KCNK2: variants seen among roughly 807,000 people sequenced by gnomAD.
KCNK2 encodes potassium channel subfamily K member 2.
In KCNK2, 21 loss-of-function variants were observed where a neutral mutation model predicts 40.5. The ratio of observed to expected loss-of-function variants is 0.52; its 90% CI spans 0.37 to 0.75. The LOEUF is 0.75. KCNK2 is among the 30% of genes least tolerant of loss of function. KCNK2 has a pLI of 0.00. For synonymous variants in KCNK2, 191 were observed against 202.2 expected (o/e 0.94, Z 0.47); for missense variants, 399 against 531.6 (o/e 0.75, Z 2.45).
chr1:215,071,110 T>C (rs1023132065), intron 1 of KCNK2, among the ~76,000 whole-genome samples: 6 of 152,360 alleles, frequency 3.9e-5, no homozygotes, highest in Admixed American at 1.3e-4. Context: ...AGCAGAATTC[T>C]GAACTAGTGG....
At chr1:215,080,931 T>C (rs911925577), upstream of KCNK2, among the ~76,000 whole-genome samples, 9 of 152,198 alleles carry the variant, frequency 5.9e-5, no homozygotes, top group Non-Finnish European at 1.2e-4. Flanking sequence ...CAGTAAGACT[T>C]CAAAACGAGA....
intron 2 of KCNK2, among the ~76,000 whole-genome samples, chr1:215,118,514 G>A (rs369014116): frequency 6.6e-6 from 1 of 152,134 alleles, no homozygotes; most frequent in Non-Finnish European, 1.5e-5. Context: ...GTTATCTAAA[G>A]ACTAGTTTCT....
At chr1:215,018,397 T>C (rs1353995585) in intron 1 of KCNK2, among the ~76,000 whole-genome samples, 1 of 152,210 alleles carries the variant, frequency 6.6e-6, no homozygotes, top group Admixed American at 6.5e-5. Context: ...GGTCTTGTGA[T>C]TGGTTCCTGC....
At chr1:215,230,059 A>G (rs1374704362) in intron 6 of KCNK2, among the ~76,000 whole-genome samples, 1 of 135,132 alleles carries the variant, frequency 7.4e-6, no homozygotes, top group Non-Finnish European at 1.5e-5. Context: ...ACACACAGAT[A>G]TATATATAGA....
chr1:215,190,182 T>A (rs1396049616), intron 5 of KCNK2, among the ~76,000 whole-genome samples: 1 of 151,998 alleles, frequency 6.6e-6, no homozygotes, highest in Non-Finnish European at 1.5e-5. Flanking sequence ...TAAGAGGGGA[T>A]GTTGTATGCC....
intron 3 of KCNK2, among the ~76,000 whole-genome samples, chr1:215,167,831 G>C (rs1663517134): frequency 6.6e-6 from 1 of 151,138 alleles, no homozygotes; most frequent in African/African-American, 2.4e-5. Flanking sequence ...TAAGTTTAAT[G>C]TGCCAAAAGC....
At chr1:215,071,337 G>A (rs557853435) in intron 1 of KCNK2, among the ~76,000 whole-genome samples, 1 of 152,180 alleles carries the variant, frequency 6.6e-6, no homozygotes. Context: ...AGGGATGATA[G>A]ATGAGAGTGT....
At chr1:215,212,941 C>T (rs906400144) in intron 6 of KCNK2, among the ~76,000 whole-genome samples, 5 of 152,160 alleles carry the variant, frequency 3.3e-5, no homozygotes, top group African/African-American at 9.7e-5. Context: ...CTATTTCTGG[C>T]ACTTGAATGC....
rs1659713027 is a variant in KCNK2 at position 215,092,037 on chromosome 1, G to T, written c.357+5359G>T. 2.0e-5 allele frequency among the ~76,000 whole-genome samples: 3 copies of T among 152,242 alleles called. No individual in the cohort carries two copies. In the South Asian group the frequency reaches 6.2e-4, roughly 32 times the overall value. ...CCAGCTCCGGCTTACATTTCAAGAG[G>T]ATTTCCCTGGCTGTGGTGTTGAAAA... On this transcript the variant is annotated intron_variant, in intron 2 of 6. Transcript: ENST00000444842.
rs570724430 is a variant in KCNK2, at chr1:215,191,674, A to C, written c.824-3279A>C. Among the ~76,000 whole-genome samples, 6 of 152,270 alleles carry C rather than the reference A, an allele frequency of 3.9e-5. No individual in the cohort carries two copies. In the East Asian group the frequency reaches 1.2e-3, roughly 29 times the overall value. ...TTGGAAAAGTTTATAAGATTCCCAA[A>C]ACCTTTATACCTCCACACTTTTTTG... On this transcript the variant is annotated intron_variant, in intron 5 of 6. Coordinates refer to ENST00000444842, the MANE Select transcript of KCNK2 (RefSeq NM_001017425.3).
intron 6 of KCNK2, 85 bp from the exon 7 acceptor site, chr1:215,234,743 A>G: frequency 7.5e-7 from 1 of 1,325,356 alleles, no homozygotes; most frequent in Non-Finnish European, 1.0e-6. Flanking sequence ...TTAAAATCCC[A>G]AAATAAAATG....
At chr1:215,208,172 C>A (rs1172418748) in intron 6 of KCNK2, among the ~76,000 whole-genome samples, 14 of 152,164 alleles carry the variant, frequency 9.2e-5, no homozygotes, top group Admixed American at 9.2e-4. Context: ...GAATACTACA[C>A]AGCCATAAAA....
chr1:215,050,860 A>C (rs955183217), intron 1 of KCNK2, among the ~76,000 whole-genome samples: 2 of 152,186 alleles, frequency 1.3e-5, no homozygotes, highest in African/African-American at 4.8e-5. Flanking sequence ...GTAGTTGAAC[A>C]AAGTTGAGTT....
At chr1:215,034,024 TTGG>T (rs1231966939) in intron 1 of KCNK2, among the ~76,000 whole-genome samples, 1 of 152,206 alleles carries the variant, frequency 6.6e-6, no homozygotes, top group African/African-American at 2.4e-5. Flanking sequence ...CATAGTTTCC[TTGG>T]TGGTTTCTGC....
chr1:215,229,519 G>T (rs1328291009), intron 6 of KCNK2, among the ~76,000 whole-genome samples: 1 of 151,802 alleles, frequency 6.6e-6, no homozygotes, highest in Non-Finnish European at 1.5e-5. Context: ...AAAAAAATTA[G>T]CTGGGCATGG....
At chr1:215,016,049 A>T (rs1377106995) in intron 1 of KCNK2, among the ~76,000 whole-genome samples, 1 of 152,176 alleles carries the variant, frequency 6.6e-6, no homozygotes, top group African/African-American at 2.4e-5. Flanking sequence ...TGTATGTATA[A>T]TCAAAACTTA....
At chr1:215,074,215 C>T (rs1349954747) in intron 1 of KCNK2, among the ~76,000 whole-genome samples, 17 of 152,264 alleles carry the variant, frequency 1.1e-4, no homozygotes, top group Middle Eastern at 3.4e-3. Flanking sequence ...CAGGGTGATG[C>T]ATGGATTTTC....
intron 1 of KCNK2, among the ~76,000 whole-genome samples, chr1:215,033,111 A>T (rs771549896): frequency 3.3e-5 from 5 of 151,412 alleles, no homozygotes; most frequent in Non-Finnish European, 7.4e-5. Flanking sequence ...AAGCTCAGAA[A>T]TTCTTTCCTC....
intron 2 of KCNK2, among the ~76,000 whole-genome samples, chr1:215,106,132 A>G (rs1396868003): frequency 1.3e-5 from 2 of 152,062 alleles, no homozygotes; most frequent in African/African-American, 4.8e-5. Context: ...GTTGAATGGT[A>G]GTTCTATTTA....
Sources: allele counts gnomAD v4.1 joint callset (sites outside exome capture counted in the v4.1 genomes callset), GRCh38; gene constraint gnomAD v4.1.1; transcripts MANE v1.5; gene names NCBI Gene and HGNC (gene_info 2026-07-23, HGNC 2026-07-21).